Variants in CD200R1 observed in about 807,000 individuals in gnomAD.
The protein encoded by CD200R1 is cell surface glycoprotein CD200 receptor 1.
CD200R1 carries 30 observed loss-of-function variants against 38.1 expected under a neutral mutation model. That is an observed-to-expected ratio of 0.79 (90% CI 0.59 to 1.07). CD200R1 has a LOEUF of 1.07. CD200R1 is among the 50% of genes least tolerant of loss of function. The pLI is 0.00. For synonymous variants in CD200R1, 128 were observed against 152.1 expected, an observed-to-expected ratio of 0.84 and a Z score of 1.16; for missense variants, 372 against 415.4, an observed-to-expected ratio of 0.90 and a Z score of 0.91.
chr3:112,969,350 C>A (rs1388032502), intron 1 of CD200R1, among the ~76,000 whole-genome samples: 1 of 150,866 alleles, frequency 6.6e-6, no homozygotes, highest in African/African-American at 2.4e-5. Flanking sequence ...TCCTCACTAG[C>A]AGACCTACAC....
At chr3:112,972,850 A>G (rs546747425) in intron 1 of CD200R1, among the ~76,000 whole-genome samples, 2 of 152,340 alleles carry the variant, frequency 1.3e-5, no homozygotes, top group Admixed American at 6.5e-5. Context: ...GGCAGTATTA[A>G]TAACATAGCA....
At chr3:112,970,537 C>A (rs1350647873) in intron 1 of CD200R1, among the ~76,000 whole-genome samples, 1 of 152,112 alleles carries the variant, frequency 6.6e-6, no homozygotes, top group East Asian at 1.9e-4. Context: ...CAGCAATTGA[C>A]AAATGTATGT....
intron 5 of CD200R1, among the ~76,000 whole-genome samples, chr3:112,928,556 T>C (rs1270975606): frequency 6.6e-6 from 1 of 151,386 alleles, no homozygotes; most frequent in Non-Finnish European, 1.5e-5. Context: ...TTTTTAAAAG[T>C]ATACTACTCA....
intron 1 of CD200R1, among the ~76,000 whole-genome samples, chr3:112,968,949 G>A (rs1933231211): frequency 6.6e-6 from 1 of 152,118 alleles, no homozygotes; most frequent in Non-Finnish European, 1.5e-5. Flanking sequence ...AAGAAAATGT[G>A]GCCTATGCTT....
At chr3:112,971,440 C>T (rs1037014651) in intron 1 of CD200R1, among the ~76,000 whole-genome samples, 2 of 152,128 alleles carry the variant, frequency 1.3e-5, no homozygotes, top group Admixed American at 1.3e-4. Flanking sequence ...CTTGTCCTCC[C>T]TTCCTATACT....
At chr3:112,925,275 G>A in intron 5 of CD200R1, 82 bp from the exon 6 acceptor site, 1 of 693,386 alleles carries the variant, frequency 1.4e-6, no homozygotes. Context: ...AAAAAGAAAT[G>A]AGCTATCAAA....
rs1940430062 is a variant in CD200R1 at position 112,931,268 on chromosome 3, A to G, written c.137-97T>C. 4 of 712,446 alleles carry G rather than the reference A, an allele frequency of 5.6e-6. No homozygotes were observed. In the African/African-American group the frequency reaches 7.0e-5, roughly 12 times the overall value. 44.1% of individuals were successfully genotyped at this position (712,446 alleles called of 1,614,324 possible). A position where few individuals can be genotyped will look rare whatever the true frequency, so the allele number is the denominator to read the frequency against. ...CAAAGTCTTATCCAACATGATAGGC[A>G]ATCAGTTAACCATAATTAAAATTAC... is the stretch of plus-strand genomic sequence containing the variant. On this transcript the variant is annotated intron_variant, in intron 2 of 7. Transcript: ENST00000308611.
At chr3:112,953,794 C>T (rs1941024506) in intron 1 of CD200R1, among the ~76,000 whole-genome samples, 1 of 151,992 alleles carries the variant, frequency 6.6e-6, no homozygotes, top group Admixed American at 6.6e-5. Flanking sequence ...GTTGTAATGT[C>T]TCCTTTTTCA....
Position 112,975,015 on chromosome 3 carries a change from C to T in CD200R1, c.-158G>A, listed in dbSNP as rs1933407884. 1.6e-6 allele frequency: 1 copy of T among 627,912 alleles called. No individual in the cohort carries two copies. The highest frequency in any genetic ancestry group is 2.8e-6 in the Non-Finnish European group (1 of 351,180). 38.9% of individuals were successfully genotyped at this position (627,912 alleles called of 1,614,324 possible). On this transcript the variant is annotated 5_prime_UTR_variant, in exon 1 of 8. Transcript: ENST00000308611. ...GCACTCCCTTCCTTCTAGCCCCTTC[C>T]TTCACGTCTATGTGGTTTAGCCTGG...
chr3:112,930,604 T>C (rs908636422), intron 3 of CD200R1, among the ~76,000 whole-genome samples: 6 of 152,230 alleles, frequency 3.9e-5, no homozygotes, highest in African/African-American at 1.4e-4. Context: ...AAAGTATTTG[T>C]CACTACTCAC....
At position 112,929,212 on chromosome 3, in the gene CD200R1, A is replaced by G. The variant is rs1211796408; in HGVS notation, c.498T>C (p.Arg166=). ...IMVTPDGNFH[R]GYHLQVLVTP... ...TACCTAACACTTGGAGGTGATATCC[A>G]CGATGGAAATTCCCATCAGGTGTTA... The change falls in exon 4 of 8, where the codon CGT becomes CGC. Residue 166 remains arginine, a synonymous_variant. Coordinates refer to ENST00000308611, the MANE Select transcript of CD200R1 (RefSeq NM_138806.4). 6.2e-7 allele frequency: 1 copy of G among 1,614,096 alleles called. No homozygotes were observed. Among genetic ancestry groups the G allele is most frequent in the Admixed American group, 1.7e-5 (1 of 60,002 alleles).
At chr3:112,928,548 T>G (rs1214202635) in intron 5 of CD200R1, among the ~76,000 whole-genome samples, 1 of 151,726 alleles carries the variant, frequency 6.6e-6, no homozygotes, top group Non-Finnish European at 1.5e-5. Context: ...AAGTATTATT[T>G]TTAAAAGTAT....
At chr3:112,926,467 T>C (rs1451364006) in intron 5 of CD200R1, among the ~76,000 whole-genome samples, 4 of 152,218 alleles carry the variant, frequency 2.6e-5, no homozygotes. Flanking sequence ...CTCATTAAAT[T>C]TGTACTAGCA....
intron 1 of CD200R1, 49 bp downstream of exon 1, chr3:112,974,742 A>T: frequency 4.3e-6 from 5 of 1,173,704 alleles, no homozygotes; most frequent in Non-Finnish European, 6.4e-6. Context: ...ACTCAGGAAG[A>T]GCTGAGACCA....
chr3:112,955,578 G>A (rs1415100703), intron 1 of CD200R1, among the ~76,000 whole-genome samples: 24 of 146,762 alleles, frequency 1.6e-4, no homozygotes, highest in Non-Finnish European at 3.0e-4. Context: ...GCATGATCTC[G>A]GCTCACTGCA....
intron 1 of CD200R1, among the ~76,000 whole-genome samples, chr3:112,953,769 GT>G (rs1941023917): frequency 6.6e-6 from 1 of 152,096 alleles, no homozygotes; most frequent in Admixed American, 6.5e-5. Context: ...GATCCTTTGT[GT>G]TTCTACAGTA....
intron 1 of CD200R1, among the ~76,000 whole-genome samples, chr3:112,948,576 G>A (rs899199064): frequency 3.9e-5 from 6 of 152,148 alleles, no homozygotes; most frequent in Non-Finnish European, 8.8e-5. Flanking sequence ...AGCATCTAAT[G>A]CCTCCAACTG....
chr3:112,931,348 ATG>A (rs1419215710), intron 2 of CD200R1, among the ~76,000 whole-genome samples, 177 bp from the exon 3 acceptor site: 1 of 144,404 alleles, frequency 6.9e-6, no homozygotes, highest in Non-Finnish European at 1.5e-5. Context: ...AGGGGACTAA[ATG>A]TGTTAATATC....
At position 112,922,310 on chromosome 3, in the gene CD200R1, CTT is replaced by C. The variant is rs933640699; in HGVS notation, c.*1365_*1366del. ...TTTTTTCTGCTATGGAGCAAATAGA[CTT>C]ATGTTTTTAATTAAAAATAATTTCA... On this transcript the variant is annotated 3_prime_UTR_variant, in exon 8 of 8. Coordinates refer to ENST00000308611, the MANE Select transcript of CD200R1 (RefSeq NM_138806.4). 1.3e-5 allele frequency: 2 copies of C among 151,886 alleles called. No individual in the cohort carries two copies. The highest frequency in any genetic ancestry group is 2.4e-5 in the African/African-American group (1 of 41,402). The allele number at this position is 151,886 out of a possible 1,614,324, so 9.4% of individuals were successfully genotyped here. A position where few individuals can be genotyped will look rare whatever the true frequency, so the allele number is the denominator to read the frequency against.
Sources: gnomAD v4.1 joint callset for allele counts (sites outside exome capture counted in the v4.1 genomes callset) on GRCh38, gnomAD v4.1.1 for gene constraint, MANE v1.5 for transcripts, NCBI Gene and HGNC (gene_info 2026-07-23, HGNC 2026-07-21) for gene names.